The following SCLT1 variants were observed in gnomAD, a reference collection of about 807,000 sequenced individuals.
SCLT1 encodes the protein sodium channel-associated protein 1.
A neutral mutation model predicts 112.8 loss-of-function variants in SCLT1; 78 were observed. The observed-to-expected ratio is 0.69, with a 90% CI of 0.58 to 0.83. The LOEUF (loss-of-function observed/expected upper bound fraction) is 0.83, where lower values mean the gene tolerates loss of function less well. Among genes scored for constraint, SCLT1 ranks in the 40% least tolerant of loss-of-function variants. The pLI is 0.00. For synonymous variants in SCLT1, 257 were observed against 254.7 expected, an observed-to-expected ratio of 1.01 and a Z score of -0.09; for missense variants, 747 against 770.4, an observed-to-expected ratio of 0.97 and a Z score of 0.36.
intron 5 of SCLT1, among the ~76,000 whole-genome samples, chr4:129,005,243 A>G (rs1360580726): frequency 6.6e-6 from 1 of 152,204 alleles, no homozygotes; most frequent in Non-Finnish European, 1.5e-5. Flanking sequence ...TTTTCATCAT[A>G]TGGTTATCTG....
intron 5 of SCLT1, among the ~76,000 whole-genome samples, chr4:129,025,257 C>A (rs1168515929): frequency 1.1e-4 from 16 of 152,052 alleles, no homozygotes; most frequent in Non-Finnish European, 1.3e-4. Flanking sequence ...TCAGATTCAC[C>A]AAAGTGGAAA....
chr4:128,911,168 A>G (rs1164117319), intron 18 of SCLT1, among the ~76,000 whole-genome samples: 1 of 152,204 alleles, frequency 6.6e-6, no homozygotes, highest in African/African-American at 2.4e-5. Flanking sequence ...CGGGAGGCTA[A>G]GGCAGGAGAA....
intron 13 of SCLT1, among the ~76,000 whole-genome samples, chr4:128,954,359 C>A (rs1739043324): frequency 6.7e-6 from 1 of 149,084 alleles, no homozygotes; most frequent in Non-Finnish European, 1.5e-5. Flanking sequence ...CGCTCTGTTG[C>A]CCAGGCTGGA....
intron 1 of SCLT1, among the ~76,000 whole-genome samples, chr4:129,085,718 A>G (rs1407250898): frequency 6.6e-6 from 1 of 152,230 alleles, no homozygotes; most frequent in Non-Finnish European, 1.5e-5. Context: ...TTGCAGGAAC[A>G]TGGATGGAGC....
At chr4:128,886,078 T>C (rs1732871337) in intron 20 of SCLT1, among the ~76,000 whole-genome samples, 1 of 152,208 alleles carries the variant, frequency 6.6e-6, no homozygotes, top group South Asian at 2.1e-4. Context: ...GATACAGAAA[T>C]TTGAAACTGT....
chr4:128,940,294 C>T (rs1737575317), intron 17 of SCLT1, among the ~76,000 whole-genome samples: 1 of 151,316 alleles, frequency 6.6e-6, no homozygotes, highest in Non-Finnish European at 1.5e-5. Context: ...ATTCCATCCC[C>T]ACCCATGATT....
intron 14 of SCLT1, among the ~76,000 whole-genome samples, chr4:128,949,644 C>G (rs1351345579): frequency 4.6e-5 from 7 of 151,780 alleles, no homozygotes; most frequent in African/African-American, 1.7e-4. Context: ...GTTTTTTGTC[C>G]TTGTGATAGT....
At chr4:129,039,917 CACACACACACACACAA>C in intron 4 of SCLT1, 1 of 443,798 alleles carries the variant, frequency 2.3e-6, no homozygotes, top group East Asian at 3.6e-5. Flanking sequence ...CACACACACA[CACACACACACACACAA>C]AACCCTGAAT....
intron 11 of SCLT1, among the ~76,000 whole-genome samples, chr4:128,960,111 G>GA (rs1431490531): frequency 2.0e-5 from 3 of 152,104 alleles, no homozygotes; most frequent in Non-Finnish European, 4.4e-5. Context: ...ACATGACAAT[G>GA]ATATAAAGCA....
chr4:128,927,425 C>G (rs545010082), intron 18 of SCLT1, among the ~76,000 whole-genome samples: 1 of 151,748 alleles, frequency 6.6e-6, no homozygotes, highest in Admixed American at 6.6e-5. Context: ...AAACACAAAA[C>G]TTAGCCAGCT....
chr4:128,972,752 AG>A (rs1740799557), intron 9 of SCLT1, among the ~76,000 whole-genome samples: 3 of 152,188 alleles, frequency 2.0e-5, no homozygotes, highest in Admixed American at 2.0e-4. Context: ...AGACTATTCC[AG>A]TAGATTCCAA....
intron 5 of SCLT1, among the ~76,000 whole-genome samples, chr4:129,018,828 C>T (rs2126117604): frequency 6.6e-6 from 1 of 152,102 alleles, no homozygotes; most frequent in East Asian, 1.9e-4. Flanking sequence ...GGTAAGGGAG[C>T]TTCTATTATA....
intron 5 of SCLT1, among the ~76,000 whole-genome samples, chr4:129,020,140 T>C (rs1745338474): frequency 6.6e-6 from 1 of 152,242 alleles, no homozygotes; most frequent in African/African-American, 2.4e-5. Context: ...TATAAGGTTT[T>C]ATTCAGTTAT....
intron 18 of SCLT1, among the ~76,000 whole-genome samples, chr4:128,906,549 C>A (rs1438601643): frequency 6.6e-6 from 1 of 152,082 alleles, no homozygotes; most frequent in African/African-American, 2.4e-5. Flanking sequence ...TGGGAGATTA[C>A]TAATAGGAAA....
intron 5 of SCLT1, among the ~76,000 whole-genome samples, chr4:129,029,761 C>T (rs1336231260): frequency 1.3e-5 from 2 of 152,018 alleles, no homozygotes; most frequent in African/African-American, 2.4e-5. Context: ...ACAGGAAGAG[C>T]TAACTACCCT....
At chr4:128,942,042 T>G (rs2125988235) in intron 17 of SCLT1, among the ~76,000 whole-genome samples, 1 of 152,202 alleles carries the variant, frequency 6.6e-6, no homozygotes, top group East Asian at 1.9e-4. Context: ...TAAATTATTT[T>G]AGCTTTTTAT....
At chr4:128,981,657 C>A (rs1047941913) in intron 9 of SCLT1, among the ~76,000 whole-genome samples, 1 of 151,298 alleles carries the variant, frequency 6.6e-6, no homozygotes, top group Non-Finnish European at 1.5e-5. Context: ...GCCCCCTACC[C>A]GCCAAATTAT....
chr4:129,003,315 AG>A (rs1265785451), intron 6 of SCLT1, among the ~76,000 whole-genome samples: 4 of 152,020 alleles, frequency 2.6e-5, no homozygotes, highest in Non-Finnish European at 4.4e-5. Flanking sequence ...GGATAGCATT[AG>A]GAGAAATACC....
At chr4:128,920,341 G>C (rs1735786887) in intron 18 of SCLT1, among the ~76,000 whole-genome samples, 1 of 152,188 alleles carries the variant, frequency 6.6e-6, no homozygotes, top group Admixed American at 6.5e-5. Context: ...ATCTGGGCTG[G>C]AGTGTAGTGG....
Sources: allele counts gnomAD v4.1 joint callset (sites outside exome capture counted in the v4.1 genomes callset), GRCh38; gene constraint gnomAD v4.1.1; transcripts MANE v1.5; gene names NCBI Gene and HGNC (gene_info 2026-07-23, HGNC 2026-07-21).